The following RBBP4 variants were observed in gnomAD, a reference collection of about 807,000 sequenced individuals.
RBBP4 encodes the protein histone-binding protein RBBP4.
RBBP4 carries 3 observed loss-of-function variants against 57.2 expected under a neutral mutation model. That is an observed-to-expected ratio of 0.05 (90% CI 0.02 to 0.14). RBBP4 has a LOEUF of 0.14. RBBP4 is among the 10% of genes least tolerant of loss of function. RBBP4 has a pLI of 1.00. For synonymous variants in RBBP4, 151 were observed against 171.5 expected (o/e 0.88, Z 0.93); for missense variants, 107 against 520.6 (o/e 0.21, Z 7.73).
chr1:32,664,007 A>G (rs563441448), intron 3 of RBBP4, among the ~76,000 whole-genome samples: 2 of 149,268 alleles, frequency 1.3e-5, no homozygotes, highest in Non-Finnish European at 3.0e-5. Flanking sequence ...GCCCACTGCA[A>G]GCTCCGCCTC....
rs1024585891 is a variant in RBBP4, at chr1:32,682,152, C to T, written c.*2447C>T. On this transcript the variant is annotated 3_prime_UTR_variant, in exon 12 of 12. Coordinates refer to ENST00000373493, the MANE Select transcript of RBBP4 (RefSeq NM_005610.3). The stretch of plus-strand genomic sequence containing the variant: ...GTCGTTGTCTTTTCCAGATTGTACA[C>T]AATCTGATCAACACAAAGGTAGTTA... 9 of 393,756 alleles carry T rather than the reference C, an allele frequency of 2.3e-5. No homozygotes were observed. The highest frequency in any genetic ancestry group is 3.7e-5 in the Non-Finnish European group (8 of 214,318). The allele number at this position is 393,756 out of a possible 1,614,324, so 24.4% of individuals were successfully genotyped here.
At chr1:32,667,099 C>T (rs1648686505) in intron 3 of RBBP4, among the ~76,000 whole-genome samples, 1 of 152,172 alleles carries the variant, frequency 6.6e-6, no homozygotes, top group Non-Finnish European at 1.5e-5. Context: ...GAACACTCTG[C>T]TCCACCAACC....
In RBBP4 at chr1:32,680,710, C is replaced by A; in HGVS notation, c.*1005C>A. The stretch of plus-strand genomic sequence containing the variant: ...ACATCCATCAAACACCAGTCTCTGG[C>A]TTCTAGAAGAGTCCTTCAGATGACA... On this transcript the variant is annotated 3_prime_UTR_variant, in exon 12 of 12. Transcript: ENST00000373493. 1 of 615,312 alleles carries A rather than the reference C, an allele frequency of 1.6e-6. No individual in the cohort carries two copies. The highest frequency in any genetic ancestry group is 2.6e-5 in the South Asian group (1 of 38,840). The allele number at this position is 615,312 out of a possible 1,614,324, so 38.1% of individuals were successfully genotyped here.
rs2148546747 is a variant in RBBP4, at chr1:32,685,765, G to A, written c.*6060G>A. ...ACAAAAGTACATGCTTGGAAAAGCA[G>A]TCTGCACCACCAGTGATAAGCTGTG... is the stretch of plus-strand genomic sequence containing the variant. On this transcript the variant is annotated 3_prime_UTR_variant, in exon 12 of 12. Coordinates refer to ENST00000373493, the MANE Select transcript of RBBP4 (RefSeq NM_005610.3). The A allele has an allele frequency of 1.3e-5, 2 of 152,336 alleles. No homozygotes were observed. The highest frequency in any genetic ancestry group is 4.1e-4 in the South Asian group (2 of 4,822). The allele number at this position is 152,336 out of a possible 1,614,324, so 9.4% of individuals were successfully genotyped here.
chr1:32,683,666 C>A lies in RBBP4; in HGVS notation c.*3961C>A. ...TTTGTTTTGTTTTGAGGCAGTCTCA[C>A]TCTGTTGTACAAGCTGGAGTGCTGT... On this transcript the variant is annotated 3_prime_UTR_variant, in exon 12 of 12. Coordinates refer to ENST00000373493, the MANE Select transcript of RBBP4 (RefSeq NM_005610.3). The A allele has an allele frequency of 5.7e-6, 1 of 176,554 alleles. No homozygotes were observed. The highest frequency in any genetic ancestry group is 1.2e-5 in the Non-Finnish European group (1 of 84,012). The allele number at this position is 176,554 out of a possible 1,614,324, so 10.9% of individuals were successfully genotyped here.
At chr1:32,652,196 C>T (rs1298018404) in intron 2 of RBBP4, 135 bp downstream of exon 2, 2 of 1,071,776 alleles carry the variant, frequency 1.9e-6, no homozygotes, top group Admixed American at 2.5e-5. Flanking sequence ...TTTTCTAGGC[C>T]ACAAAGTAAG....
Position 32,683,347 on chromosome 1 carries a change from A to G in RBBP4, c.*3642A>G, listed in dbSNP as rs1016072054. 20 of 151,880 alleles carry G rather than the reference A, an allele frequency of 1.3e-4. No individual in the cohort carries two copies. Among genetic ancestry groups the G allele is most frequent in the African/African-American group, 4.6e-4 (19 of 41,354 alleles). The allele number at this position is 151,880 out of a possible 1,614,324, so 9.4% of individuals were successfully genotyped here. The stretch of plus-strand genomic sequence containing the variant: ...CCCAAAACCACAGCCTTTGAATATT[A>G]TATAAGGAACTTAATGGATAGATAT... On this transcript the variant is annotated 3_prime_UTR_variant, in exon 12 of 12. Transcript: ENST00000373493.
In RBBP4 at chr1:32,657,414, A is replaced by G. The variant is rs1648193508; in HGVS notation, c.165-13A>G. 7 of 1,609,936 alleles carry G rather than the reference A, an allele frequency of 4.3e-6. No individual in the cohort carries two copies. Among genetic ancestry groups the G allele is most frequent in the East Asian group, 2.2e-5 (1 of 44,814 alleles). Reference sequence around the variant, plus strand: ...TTACTAATTTGAACAGTGACTATATATTGCCGTTACAGACCAGAAGGGAAA... The same window carrying G: ...TTACTAATTTGAACAGTGACTATATGTTGCCGTTACAGACCAGAAGGGAAA... On this transcript the variant is annotated splice_polypyrimidine_tract_variant and intron_variant, in intron 2 of 11. Transcript: ENST00000373493.
chr1:32,671,297 G>A (rs1268838475), intron 8 of RBBP4, among the ~76,000 whole-genome samples: 1 of 152,144 alleles, frequency 6.6e-6, no homozygotes, highest in Non-Finnish European at 1.5e-5. Context: ...GAATAGACAA[G>A]ATGTAGGCCG....
chr1:32,678,614 C>G (rs1043548746), intron 11 of RBBP4, among the ~76,000 whole-genome samples: 1 of 66,670 alleles, frequency 1.5e-5, no homozygotes, highest in African/African-American at 5.2e-5. Flanking sequence ...TTTTGGCACA[C>G]AGTCTTGCTT....
chr1:32,674,988 T>G (rs1369818505), intron 11 of RBBP4, among the ~76,000 whole-genome samples: 2 of 152,026 alleles, frequency 1.3e-5, no homozygotes, highest in Admixed American at 6.6e-5. Flanking sequence ...CCGCCCTCTT[T>G]GGCCTCCCAA....
Position 32,685,670 on chromosome 1 carries a change from G to GA in RBBP4, c.*5966dup, listed in dbSNP as rs1044671823. 2.6e-5 allele frequency: 4 copies of GA among 152,292 alleles called. No individual in the cohort carries two copies. Among genetic ancestry groups the GA allele is most frequent in the Non-Finnish European group, 5.9e-5 (4 of 68,048 alleles). 9.4% of individuals were successfully genotyped at this position (152,292 alleles called of 1,614,324 possible). ...CATGCCTAAGAGTGTGTCATCTGAA[G>GA]AGGGAAGCATCTGCATACTGCTGTC... is the stretch of plus-strand genomic sequence containing the variant. On this transcript the variant is annotated 3_prime_UTR_variant, in exon 12 of 12. Transcript: ENST00000373493.
chr1:32,675,406 A>G (rs1182211565), intron 11 of RBBP4, among the ~76,000 whole-genome samples: 1 of 152,060 alleles, frequency 6.6e-6, no homozygotes, highest in Non-Finnish European at 1.5e-5. Flanking sequence ...ATTGTACTAC[A>G]TCCATACTTT....
chr1:32,660,618 A>G (rs1236419608), intron 3 of RBBP4, among the ~76,000 whole-genome samples: 1 of 146,908 alleles, frequency 6.8e-6, no homozygotes, highest in Non-Finnish European at 1.5e-5. Flanking sequence ...ATGGCATGTC[A>G]CTATGTTGCT....
rs766276806 is a variant in RBBP4, at chr1:32,684,313, T to A, written c.*4608T>A. 1 of 1,614,182 alleles carries A rather than the reference T, an allele frequency of 6.2e-7. No individual in the cohort carries two copies. Among genetic ancestry groups the A allele is most frequent in the Non-Finnish European group, 8.5e-7 (1 of 1,180,020 alleles). On this transcript the variant is annotated 3_prime_UTR_variant, in exon 12 of 12. Coordinates refer to ENST00000373493, the MANE Select transcript of RBBP4 (RefSeq NM_005610.3). Reference sequence around the variant, plus strand: ...AGCCTTAGCTGTTCCATCTCTTTGTTCTTCTGTTGCTGGAGTTGCACCCCA... The same window carrying A: ...AGCCTTAGCTGTTCCATCTCTTTGTACTTCTGTTGCTGGAGTTGCACCCCA...
At chr1:32,654,748 C>T (rs1169180515) in intron 2 of RBBP4, among the ~76,000 whole-genome samples, 1 of 152,174 alleles carries the variant, frequency 6.6e-6, no homozygotes, top group East Asian at 1.9e-4. Context: ...TACTGGAGTG[C>T]AGTGGCATGA....
At chr1:32,659,291 T>A (rs1648298617) in intron 3 of RBBP4, among the ~76,000 whole-genome samples, 2 of 151,826 alleles carry the variant, frequency 1.3e-5, no homozygotes, top group Non-Finnish European at 2.9e-5. Context: ...CCGGGTGCGG[T>A]GAGTCACTCC....
chr1:32,657,341 A>G, intron 2 of RBBP4, 86 bp from the exon 3 acceptor site: 2 of 1,313,018 alleles, frequency 1.5e-6, no homozygotes, highest in South Asian at 1.4e-5. Flanking sequence ...TGGTTGTATT[A>G]GTGACTTTGA....
At chr1:32,656,392 G>A (rs1206792618) in intron 2 of RBBP4, among the ~76,000 whole-genome samples, 2 of 151,284 alleles carry the variant, frequency 1.3e-5, no homozygotes, top group African/African-American at 4.9e-5. Context: ...TTGCTCTTTC[G>A]CCCAGGCTGG....
Sources: allele counts gnomAD v4.1 joint callset (sites outside exome capture counted in the v4.1 genomes callset), GRCh38; gene constraint gnomAD v4.1.1; transcripts MANE v1.5; gene names NCBI Gene and HGNC (gene_info 2026-07-23, HGNC 2026-07-21).